LTBP1: variants seen among roughly 807,000 people sequenced by gnomAD.
LTBP1 encodes the protein latent-transforming growth factor beta-binding protein 1.
A neutral mutation model predicts 207.6 loss-of-function variants in LTBP1; 129 were observed. That is an observed-to-expected ratio of 0.62 (90% CI 0.54 to 0.72). LTBP1 has a LOEUF of 0.72. LTBP1 is among the 30% of genes least tolerant of loss of function. The probability of loss-of-function intolerance (pLI) is 0.00; values close to 1 mark genes in which losing one functional copy is unlikely to be tolerated. For synonymous variants in LTBP1, 963 were observed against 833.7 expected, an observed-to-expected ratio of 1.16 and a Z score of -2.67; for missense variants, 2,281 against 2,217.2, an observed-to-expected ratio of 1.03 and a Z score of -0.58.
At chr2:33,300,317 T>A (rs983659955) in intron 20 of LTBP1, 134 bp from the exon 21 acceptor site, 2 of 750,446 alleles carry the variant, frequency 2.7e-6, no homozygotes, top group Non-Finnish European at 4.4e-6. Flanking sequence ...GAGTGATAAA[T>A]ACTAAAGTGT....
intron 24 of LTBP1, among the ~76,000 whole-genome samples, chr2:33,329,790 A>G (rs2094473464): frequency 6.6e-6 from 1 of 152,104 alleles, no homozygotes; most frequent in Non-Finnish European, 1.5e-5. Context: ...GTAGCTTTAT[A>G]ATAAATTTTA....
chr2:33,279,986 T>G, intron 18 of LTBP1, 53 bp from the exon 19 acceptor site: 1 of 1,597,900 alleles, frequency 6.3e-7, no homozygotes, highest in Non-Finnish European at 8.5e-7. Context: ...AAAGTAAGAT[T>G]TTGCTTTGGT....
chr2:33,338,376 A>C (rs1031354286), intron 24 of LTBP1, among the ~76,000 whole-genome samples: 1 of 152,210 alleles, frequency 6.6e-6, no homozygotes, highest in Non-Finnish European at 1.5e-5. Context: ...ATTGCATAGA[A>C]TTAATAAAAA....
intron 7 of LTBP1, among the ~76,000 whole-genome samples, chr2:33,201,403 TCA>T (rs988858158): frequency 5.5e-5 from 8 of 145,954 alleles, no homozygotes; most frequent in Non-Finnish European, 5.9e-5. Flanking sequence ...CCGCATATTC[TCA>T]CTCATAGGTG....
At chr2:33,242,451 C>G (rs1287207385) in intron 9 of LTBP1, among the ~76,000 whole-genome samples, 4 of 152,156 alleles carry the variant, frequency 2.6e-5, no homozygotes, top group African/African-American at 9.7e-5. Context: ...ATTTCTGAAT[C>G]TTCTGCTGCT....
chr2:32,977,719 A>G (rs1381506283), intron 2 of LTBP1, among the ~76,000 whole-genome samples: 1 of 151,742 alleles, frequency 6.6e-6, no homozygotes, highest in African/African-American at 2.4e-5. Context: ...CTCACTCACC[A>G]CTCCCTTGTT....
chr2:32,992,103 A>G (rs1249904690), intron 2 of LTBP1, among the ~76,000 whole-genome samples: 1 of 152,158 alleles, frequency 6.6e-6, no homozygotes, highest in Admixed American at 6.5e-5. Flanking sequence ...GCTCAATTCA[A>G]CAAGTTGAGA....
At chr2:33,194,120 G>A (rs769598687) in intron 7 of LTBP1, among the ~76,000 whole-genome samples, 7 of 152,118 alleles carry the variant, frequency 4.6e-5, no homozygotes, top group Non-Finnish European at 1.0e-4. Flanking sequence ...CCAAGTAACT[G>A]AGACAACAGG....
At position 33,397,105 on chromosome 2, in the gene LTBP1, A is replaced by G. The variant is rs752398565; in HGVS notation, c.4835-28A>G. 3.0e-5 allele frequency: 48 copies of G among 1,606,608 alleles called. No homozygotes were observed. In the South Asian group the frequency reaches 4.2e-4, roughly 14 times the overall value. On this transcript the variant is annotated intron_variant, in intron 32 of 33. Transcript: ENST00000404816. ...ATGATATAGGAAGTTGAGAAGCTCT[A>G]ACTTAGCTTCTGCCCTTTCCTTTCC...
At chr2:33,219,609 A>C (rs536798429) in intron 8 of LTBP1, among the ~76,000 whole-genome samples, 1 of 151,886 alleles carries the variant, frequency 6.6e-6, no homozygotes, top group African/African-American at 2.4e-5. Context: ...GGAGGATGAT[A>C]TATTTTCCAC....
At chr2:33,336,601 C>T (rs1040355560) in intron 24 of LTBP1, among the ~76,000 whole-genome samples, 1 of 152,166 alleles carries the variant, frequency 6.6e-6, no homozygotes, top group African/African-American at 2.4e-5. Context: ...TGGAGATTTT[C>T]CTATGAATTA....
chr2:33,095,758 A>G (rs865790648), intron 3 of LTBP1, among the ~76,000 whole-genome samples: 7 of 152,148 alleles, frequency 4.6e-5, no homozygotes, highest in African/African-American at 1.7e-4. Context: ...AATAGAAAAC[A>G]TTAAAAAACA....
chr2:33,039,339 A>C (rs2076074737), intron 3 of LTBP1, among the ~76,000 whole-genome samples: 1 of 151,598 alleles, frequency 6.6e-6, no homozygotes, highest in Non-Finnish European at 1.5e-5. Context: ...TCTTTCGGAG[A>C]GAGAAACCCC....
At chr2:33,053,746 G>C (rs2076857473) in intron 3 of LTBP1, among the ~76,000 whole-genome samples, 1 of 152,176 alleles carries the variant, frequency 6.6e-6, no homozygotes, top group South Asian at 2.1e-4. Context: ...ATTAGGCCTA[G>C]ATATTTGACC....
intron 5 of LTBP1, among the ~76,000 whole-genome samples, chr2:33,180,282 C>T (rs2086484852): frequency 6.6e-6 from 1 of 152,136 alleles, no homozygotes; most frequent in South Asian, 2.1e-4. Flanking sequence ...CAAAACCAGT[C>T]CACATTCTTC....
At chr2:33,287,640 G>C (rs1347214959) in intron 19 of LTBP1, among the ~76,000 whole-genome samples, 1 of 152,214 alleles carries the variant, frequency 6.6e-6, no homozygotes, top group Non-Finnish European at 1.5e-5. Flanking sequence ...GGTGGGATTA[G>C]TGATTGGATT....
At chr2:33,110,833 T>C in intron 4 of LTBP1, 82 bp downstream of exon 4, 1 of 1,237,602 alleles carries the variant, frequency 8.1e-7, no homozygotes, top group Non-Finnish European at 1.1e-6. Context: ...ACGGCTTTAA[T>C]GTGTCACAGT....
At chr2:33,273,211 T>A (rs1262050592) in intron 15 of LTBP1, among the ~76,000 whole-genome samples, 1 of 152,162 alleles carries the variant, frequency 6.6e-6, no homozygotes, top group Non-Finnish European at 1.5e-5. Flanking sequence ...AACTCAAATA[T>A]GGCCTGCTAA....
chr2:33,141,313 T>C (rs2082630143), intron 5 of LTBP1, among the ~76,000 whole-genome samples: 1 of 152,122 alleles, frequency 6.6e-6, no homozygotes, highest in Non-Finnish European at 1.5e-5. Flanking sequence ...GTTTAATGGG[T>C]ATAGAGTTTC....
Sources: gnomAD v4.1 joint callset for allele counts (sites outside exome capture counted in the v4.1 genomes callset) on GRCh38, gnomAD v4.1.1 for gene constraint, MANE v1.5 for transcripts, NCBI Gene and HGNC (gene_info 2026-07-23, HGNC 2026-07-21) for gene names.